ADAM32: variants seen among roughly 807,000 people sequenced by gnomAD.
ADAM32 encodes disintegrin and metalloproteinase domain-containing protein 32.
In ADAM32, 89 loss-of-function variants were observed where a neutral mutation model predicts 114.9. The ratio of observed to expected loss-of-function variants is 0.77; its 90% CI spans 0.65 to 0.92. The LOEUF (loss-of-function observed/expected upper bound fraction) is 0.92, where lower values mean the gene tolerates loss of function less well. ADAM32 is among the 40% of genes least tolerant of loss of function. The probability of loss-of-function intolerance (pLI) is 0.00; values close to 1 mark genes in which losing one functional copy is unlikely to be tolerated. For missense variants in ADAM32, 870 were observed against 932.8 expected (o/e 0.93, Z 0.88); for synonymous variants, 285 against 307.5 (o/e 0.93, Z 0.77).
At chr8:39,282,500 A>C (rs1010153542) in intron 23 of ADAM32, among the ~76,000 whole-genome samples, 1 of 152,164 alleles carries the variant, frequency 6.6e-6, no homozygotes, top group Non-Finnish European at 1.5e-5. Context: ...TATACACTGG[A>C]TTTGGGGAGT....
At chr8:39,134,629 T>C (rs1802678209) in intron 2 of ADAM32, among the ~76,000 whole-genome samples, 1 of 152,178 alleles carries the variant, frequency 6.6e-6, no homozygotes, top group South Asian at 2.1e-4. Context: ...TTTACCATTA[T>C]TGTTTAGTAA....
At chr8:39,224,248 A>G (rs1328776962) in intron 14 of ADAM32, 2 of 152,138 alleles carry the variant, frequency 1.3e-5, no homozygotes, top group Admixed American at 6.5e-5. Flanking sequence ...GGGGGTGCAC[A>G]TATCTCTTTT....
intron 23 of ADAM32, among the ~76,000 whole-genome samples, chr8:39,282,641 T>C (rs1037271938): frequency 5.9e-5 from 9 of 152,232 alleles, no homozygotes; most frequent in African/African-American, 1.7e-4. Context: ...TGTTAGAGCA[T>C]TTACTGTATT....
intron 9 of ADAM32, chr8:39,167,206 G>C (rs1302861596): frequency 1.3e-5 from 2 of 152,174 alleles, no homozygotes; most frequent in Non-Finnish European, 2.9e-5. Flanking sequence ...AATCCATCTT[G>C]AGTTGATTTT....
intron 10 of ADAM32, among the ~76,000 whole-genome samples, chr8:39,171,796 A>T (rs1056625679): frequency 6.6e-6 from 1 of 151,236 alleles, no homozygotes; most frequent in Non-Finnish European, 1.5e-5. Context: ...CTTGTTGCTT[A>T]TGTTTAAATA....
chr8:39,229,280 G>A (rs1176661837), intron 14 of ADAM32, among the ~76,000 whole-genome samples: 1 of 151,946 alleles, frequency 6.6e-6, no homozygotes, highest in Non-Finnish European at 1.5e-5. Flanking sequence ...AAGTTAAAAA[G>A]CAAAAACAAA....
At chr8:39,239,740 C>G (rs780725019) in intron 16 of ADAM32, among the ~76,000 whole-genome samples, 22 of 152,116 alleles carry the variant, frequency 1.4e-4, no homozygotes, top group Non-Finnish European at 1.6e-4. Context: ...AAAGATATTA[C>G]ATGCAAATGG....
chr8:39,214,530 A>G (rs917914273), intron 12 of ADAM32, among the ~76,000 whole-genome samples: 3 of 151,910 alleles, frequency 2.0e-5, no homozygotes, highest in Admixed American at 1.3e-4. Context: ...CCTTTAAATC[A>G]GATTATTAGA....
chr8:39,124,827 CA>C (rs1197901872), intron 2 of ADAM32, among the ~76,000 whole-genome samples: 1 of 152,114 alleles, frequency 6.6e-6, no homozygotes, highest in Non-Finnish European at 1.5e-5. Context: ...TGTATCTTTA[CA>C]ATGGAATAGT....
chr8:39,111,603 G>A (rs1376568703), intron 1 of ADAM32, among the ~76,000 whole-genome samples: 1 of 151,842 alleles, frequency 6.6e-6, no homozygotes, highest in Non-Finnish European at 1.5e-5. Context: ...GATTGTGGTG[G>A]CACATGCCTG....
intron 16 of ADAM32, among the ~76,000 whole-genome samples, chr8:39,236,375 A>G (rs1335528064): frequency 6.6e-6 from 1 of 152,182 alleles, no homozygotes. Flanking sequence ...GTTAGATTTC[A>G]TGGTGTTATA....
intron 11 of ADAM32, among the ~76,000 whole-genome samples, chr8:39,192,815 T>C (rs1806694915): frequency 6.6e-6 from 1 of 152,232 alleles, no homozygotes; most frequent in African/African-American, 2.4e-5. Flanking sequence ...TTGGAATTTC[T>C]TTTCTTTAAG....
intron 22 of ADAM32, 169 bp downstream of exon 22, chr8:39,276,035 TTG>T: frequency 1.9e-6 from 1 of 514,206 alleles, no homozygotes; most frequent in African/African-American, 2.0e-5. Flanking sequence ...TTGCGAGTAT[TTG>T]TCTAAATAAG....
At chr8:39,124,685 G>A (rs576747821) in intron 2 of ADAM32, among the ~76,000 whole-genome samples, 374 of 152,306 alleles carry the variant, frequency 2.5e-3, no homozygotes, top group Non-Finnish European at 4.6e-3. Context: ...AAAGTGCTGA[G>A]ATTACAGGCA....
chr8:39,187,095 T>C (rs757448075), intron 11 of ADAM32, 50 bp downstream of exon 11: 1 of 1,514,384 alleles, frequency 6.6e-7, no homozygotes, highest in South Asian at 1.3e-5. Flanking sequence ...ATTTTAAATA[T>C]TCAGAGTGTG....
At chr8:39,220,058 C>T (rs1808846812) in intron 12 of ADAM32, among the ~76,000 whole-genome samples, 1 of 152,010 alleles carries the variant, frequency 6.6e-6, no homozygotes, top group African/African-American at 2.4e-5. Context: ...TTAAAGTTCT[C>T]CACTATTATT....
intron 4 of ADAM32, among the ~76,000 whole-genome samples, chr8:39,149,402 A>G (rs777692867): frequency 1.3e-5 from 2 of 152,100 alleles, no homozygotes; most frequent in Non-Finnish European, 2.9e-5. Context: ...TAGCCCTTCA[A>G]TCTTCCTGTG....
intron 3 of ADAM32, among the ~76,000 whole-genome samples, chr8:39,145,953 A>T (rs1803481693): frequency 6.6e-6 from 1 of 151,800 alleles, no homozygotes; most frequent in South Asian, 2.1e-4. Flanking sequence ...CTGGTCTCGA[A>T]CTCCTGAGCC....
At chr8:39,157,682 G>T in intron 6 of ADAM32, 1 of 813,300 alleles carries the variant, frequency 1.2e-6, no homozygotes, top group African/African-American at 1.7e-5. Context: ...CTGCTGCTTG[G>T]TCTGCATCAA....
Sources: gnomAD v4.1 joint callset for allele counts (sites outside exome capture counted in the v4.1 genomes callset) on GRCh38, gnomAD v4.1.1 for gene constraint, MANE v1.5 for transcripts, NCBI Gene and HGNC (gene_info 2026-07-23, HGNC 2026-07-21) for gene names.